Variants in RGS7 observed in about 807,000 individuals in gnomAD.
RGS7 encodes the protein regulator of G-protein signaling 7.
In RGS7, 27 loss-of-function variants were observed where a neutral mutation model predicts 81.1. That is an observed-to-expected ratio of 0.33 (90% confidence interval 0.25 to 0.46). The LOEUF (loss-of-function observed/expected upper bound fraction) is 0.46, where lower values mean the gene tolerates loss of function less well. RGS7 is among the 20% of genes least tolerant of loss of function. RGS7 has a pLI of 1.00. For synonymous variants in RGS7, 208 were observed against 207.7 expected (o/e 1.00, Z -0.01); for missense variants, 396 against 607.4 (o/e 0.65, Z 3.66).
At chr1:241,311,634 AT>A (rs2080538084) in intron 2 of RGS7, among the ~76,000 whole-genome samples, 1 of 152,172 alleles carries the variant, frequency 6.6e-6, no homozygotes, top group Non-Finnish European at 1.5e-5. Flanking sequence ...CGTTTTATAT[AT>A]TTCTATAGGG....
At chr1:240,813,926 A>C (rs1439842450) in intron 12 of RGS7, among the ~76,000 whole-genome samples, 198 bp from the exon 13 acceptor site, 1 of 152,206 alleles carries the variant, frequency 6.6e-6, no homozygotes, top group Non-Finnish European at 1.5e-5. Flanking sequence ...ACTGTGGCTA[A>C]AGATTCCATC....
At chr1:241,168,099 T>A (rs1232359837) in intron 2 of RGS7, among the ~76,000 whole-genome samples, 1 of 152,228 alleles carries the variant, frequency 6.6e-6, no homozygotes, top group African/African-American at 2.4e-5. Flanking sequence ...TTACTCCAAA[T>A]GCACTAGCAA....
At chr1:241,125,989 G>C (rs905153287) in intron 2 of RGS7, among the ~76,000 whole-genome samples, 1 of 152,108 alleles carries the variant, frequency 6.6e-6, no homozygotes, top group Non-Finnish European at 1.5e-5. Context: ...TGCCCACAGG[G>C]AGCACAGAGA....
At chr1:241,087,972 C>A (rs199950087) in intron 3 of RGS7, among the ~76,000 whole-genome samples, 9,307 of 89,330 alleles carry the variant, frequency 0.1, 316 homozygotes, top group East Asian at 0.14. Flanking sequence ...CTCTCTCTCT[C>A]TCTCTATATA....
chr1:241,085,134 C>T (rs1263102408), intron 3 of RGS7, among the ~76,000 whole-genome samples: 2 of 152,166 alleles, frequency 1.3e-5, no homozygotes, highest in African/African-American at 4.8e-5. Context: ...CTATGGCTTA[C>T]ACTGGAAGCA....
At chr1:241,354,745 T>C (rs1249486593) in intron 2 of RGS7, among the ~76,000 whole-genome samples, 1 of 152,240 alleles carries the variant, frequency 6.6e-6, no homozygotes, top group Non-Finnish European at 1.5e-5. Flanking sequence ...TTAAAGCCTT[T>C]AACAATTTTG....
chr1:240,992,649 T>C (rs1373759186), intron 3 of RGS7, among the ~76,000 whole-genome samples: 1 of 152,108 alleles, frequency 6.6e-6, no homozygotes, highest in Non-Finnish European at 1.5e-5. Context: ...TGAATCTTTT[T>C]AAAAATAACC....
intron 4 of RGS7, among the ~76,000 whole-genome samples, chr1:240,967,098 C>T (rs1408345677): frequency 6.6e-6 from 1 of 152,112 alleles, no homozygotes; most frequent in Non-Finnish European, 1.5e-5. Flanking sequence ...AGCCCATGCC[C>T]CTGTCAACAG....
At chr1:241,099,635 T>C (rs374276296) in intron 2 of RGS7, among the ~76,000 whole-genome samples, 3 of 152,230 alleles carry the variant, frequency 2.0e-5, no homozygotes, top group South Asian at 4.1e-4. Context: ...ATTCAAATCA[T>C]AGCCACAGAC....
chr1:241,059,443 A>C (rs1156613825), intron 3 of RGS7, among the ~76,000 whole-genome samples: 1 of 152,208 alleles, frequency 6.6e-6, no homozygotes, highest in Non-Finnish European at 1.5e-5. Context: ...TCCACACTCT[A>C]GGAATGGATA....
At chr1:241,139,488 T>C (rs2103076881) in intron 2 of RGS7, among the ~76,000 whole-genome samples, 1 of 152,366 alleles carries the variant, frequency 6.6e-6, no homozygotes. Context: ...AGAAATATGT[T>C]TTTATTTCCT....
chr1:240,811,072 G>A (rs1050305179), intron 14 of RGS7, among the ~76,000 whole-genome samples: 11 of 152,128 alleles, frequency 7.2e-5, no homozygotes, highest in African/African-American at 2.4e-4. Flanking sequence ...GACCATGCCT[G>A]GCACTACTTC....
intron 6 of RGS7, among the ~76,000 whole-genome samples, chr1:240,901,252 G>A (rs531740044): frequency 7.1e-4 from 108 of 152,230 alleles, no homozygotes; most frequent in African/African-American, 2.5e-3. Flanking sequence ...CAGGTGAGGC[G>A]ATGCCCCACC....
intron 4 of RGS7, among the ~76,000 whole-genome samples, chr1:240,980,865 C>T (rs767712857): frequency 6.6e-6 from 1 of 152,208 alleles, no homozygotes; most frequent in Non-Finnish European, 1.5e-5. Flanking sequence ...GACTACAGAA[C>T]ATGTATGTTC....
At position 240,868,488 on chromosome 1, in the gene RGS7, ATGGGGTCACTACAGTCTTTCACTTACTT is replaced by A; in HGVS notation, c.609+71_609+98del. 1 of 971,804 alleles carries A rather than the reference ATGGGGTCACTACAGTCTTTCACTTACTT, an allele frequency of 1.0e-6. No individual in the cohort carries two copies. The highest frequency in any genetic ancestry group is 1.7e-6 in the Non-Finnish European group (1 of 599,886). 60.2% of individuals were successfully genotyped at this position (971,804 alleles called of 1,614,324 possible). On this transcript the variant is annotated intron_variant, in intron 9 of 18. Coordinates refer to ENST00000440928, the MANE Select transcript of RGS7 (RefSeq NM_001364886.1). This position sits in a 1 kb window ranked among gnomAD's most constrained non-coding sequence, Gnocchi z 5.1. ...TTCACCAAGATACCATGGAGCGTGC[ATGGGGTCACTACAGTCTTTCACTTACTT>A]TGGCAGGGCACCCCTCACTTCCCAC... is the stretch of plus-strand genomic sequence containing the variant.
chr1:240,908,066 T>C (rs1256894882), intron 6 of RGS7, among the ~76,000 whole-genome samples: 1 of 151,964 alleles, frequency 6.6e-6, no homozygotes, highest in Non-Finnish European at 1.5e-5. Context: ...GGTTAACTTT[T>C]TCTTTAGAAA....
intron 18 of RGS7, among the ~76,000 whole-genome samples, chr1:240,780,239 G>A (rs1683748061): frequency 1.3e-5 from 2 of 151,988 alleles, no homozygotes; most frequent in African/African-American, 2.4e-5. Context: ...TTGAGGCCAG[G>A]AGTTCAAGAC....
chr1:241,220,749 C>T (rs1256337152), intron 2 of RGS7, among the ~76,000 whole-genome samples: 2 of 151,892 alleles, frequency 1.3e-5, no homozygotes, highest in Non-Finnish European at 1.5e-5. Flanking sequence ...AAAAAAGAGA[C>T]ATGGGCCAGG....
intron 6 of RGS7, among the ~76,000 whole-genome samples, chr1:240,916,017 C>T (rs372435330): frequency 4.1e-4 from 61 of 149,920 alleles, no homozygotes; most frequent in African/African-American, 1.4e-3. Flanking sequence ...AATCCCAGCA[C>T]TTTGGGAGGC....
Sources: allele counts gnomAD v4.1 joint callset (sites outside exome capture counted in the v4.1 genomes callset), GRCh38; gene constraint gnomAD v4.1.1; non-coding constraint Gnocchi (gnomAD v3.1); transcripts MANE v1.5; gene names NCBI Gene and HGNC (gene_info 2026-07-23, HGNC 2026-07-21).